The following PTPRO variants were observed in gnomAD, a reference collection of about 807,000 sequenced individuals.
PTPRO encodes the protein receptor-type tyrosine-protein phosphatase O.
A neutral mutation model predicts 145.2 loss-of-function variants in PTPRO; 62 were observed. The observed-to-expected ratio is 0.43, with a 90% CI of 0.35 to 0.53. The LOEUF (loss-of-function observed/expected upper bound fraction) is 0.53, where lower values mean the gene tolerates loss of function less well. Among genes scored for constraint, PTPRO ranks in the 20% least tolerant of loss-of-function variants. The pLI is 0.01. For synonymous variants in PTPRO, 565 were observed against 514.7 expected, an observed-to-expected ratio of 1.10 and a Z score of -1.32; for missense variants, 1,345 against 1,482.7, an observed-to-expected ratio of 0.91 and a Z score of 1.53.
At chr12:15,399,488 T>C (rs569232903) in intron 1 of PTPRO, among the ~76,000 whole-genome samples, 3 of 152,298 alleles carry the variant, frequency 2.0e-5, no homozygotes, top group South Asian at 4.1e-4. Flanking sequence ...CATAATAAAA[T>C]CTGGCTTCTC....
intron 4 of PTPRO, among the ~76,000 whole-genome samples, chr12:15,499,848 G>A (rs1004793868): frequency 6.6e-6 from 1 of 151,974 alleles, no homozygotes; most frequent in South Asian, 2.1e-4. Flanking sequence ...ATTACCAAAG[G>A]TTATAATTAA....
At chr12:15,420,143 A>T in intron 1 of PTPRO, among the ~76,000 whole-genome samples, 1 of 89,436 alleles carries the variant, frequency 1.1e-5, no homozygotes, top group African/African-American at 4.6e-5. Flanking sequence ...CGAGACTCCG[A>T]CTCAGAAAAA....
intron 14 of PTPRO, among the ~76,000 whole-genome samples, chr12:15,551,310 T>C (rs543138256): frequency 5.9e-5 from 9 of 152,206 alleles, no homozygotes; most frequent in Non-Finnish European, 1.2e-4. Flanking sequence ...ATATCCTGAA[T>C]GTTGTAGGCC....
intron 1 of PTPRO, among the ~76,000 whole-genome samples, chr12:15,394,523 G>A (rs368056590): frequency 1.4e-4 from 22 of 152,148 alleles, no homozygotes; most frequent in African/African-American, 3.4e-4. Context: ...CATATGCCCC[G>A]ATCTATTGGT....
chr12:15,597,790 C>A lies in PTPRO; in HGVS notation c.*1717C>A, dbSNP rs998070740. Among the ~76,000 whole-genome samples the A allele has an allele frequency of 4.6e-5, 7 of 152,188 alleles. No individual in the cohort carries two copies. Among genetic ancestry groups the A allele is most frequent in the Non-Finnish European group, 7.3e-5 (5 of 68,038 alleles). On this transcript the variant is annotated 3_prime_UTR_variant, in exon 27 of 27. Coordinates refer to ENST00000281171, the MANE Select transcript of PTPRO (RefSeq NM_030667.3). ...ACCACCTCCTCCTCTTCTTCTCACC[C>A]CCGACTCCTTTATTTCCCTTTTTGG... is the stretch of plus-strand genomic sequence containing the variant.
chr12:15,401,547 A>G (rs1939492770), intron 1 of PTPRO, among the ~76,000 whole-genome samples: 1 of 152,252 alleles, frequency 6.6e-6, no homozygotes, highest in Non-Finnish European at 1.5e-5. Context: ...TTCAGCTTAC[A>G]AAGTCTACTG....
At chr12:15,372,453 C>G (rs2136261171) in intron 1 of PTPRO, among the ~76,000 whole-genome samples, 1 of 152,268 alleles carries the variant, frequency 6.6e-6, no homozygotes. Flanking sequence ...AACCCAGTCC[C>G]TCTTGTTTGC....
chr12:15,355,614 CTCA>C (rs1366049966), intron 1 of PTPRO, among the ~76,000 whole-genome samples: 1 of 152,112 alleles, frequency 6.6e-6, no homozygotes, highest in Non-Finnish European at 1.5e-5. Flanking sequence ...TTTCTTTCTC[CTCA>C]TCTGAAATGA....
At chr12:15,402,480 C>T (rs1259187366) in intron 1 of PTPRO, among the ~76,000 whole-genome samples, 1 of 152,038 alleles carries the variant, frequency 6.6e-6, no homozygotes, top group Admixed American at 6.5e-5. Flanking sequence ...GAATCCTCAA[C>T]TACAAAATTC....
intron 2 of PTPRO, among the ~76,000 whole-genome samples, chr12:15,486,000 T>C (rs979704586): frequency 1.3e-5 from 2 of 152,174 alleles, no homozygotes; most frequent in Non-Finnish European, 2.9e-5. Context: ...ATGGTCTTTC[T>C]TGCTGTGTAT....
At chr12:15,434,546 A>G (rs945390743) in intron 1 of PTPRO, among the ~76,000 whole-genome samples, 1 of 152,228 alleles carries the variant, frequency 6.6e-6, no homozygotes, top group Admixed American at 6.5e-5. Flanking sequence ...TTCACAGATG[A>G]CATCAAAAGT....
intron 6 of PTPRO, among the ~76,000 whole-genome samples, chr12:15,505,901 A>G (rs1275693443): frequency 2.6e-5 from 4 of 152,202 alleles, no homozygotes; most frequent in Non-Finnish European, 4.4e-5. Flanking sequence ...CAGAGATGAG[A>G]ATTCAGGTAG....
At chr12:15,326,015 T>C (rs1442928870) in intron 1 of PTPRO, among the ~76,000 whole-genome samples, 1 of 152,170 alleles carries the variant, frequency 6.6e-6, no homozygotes, top group Non-Finnish European at 1.5e-5. Flanking sequence ...GGTTTATATT[T>C]AATTCTATAA....
At chr12:15,582,023 ATTG>A (rs1280205109) in intron 23 of PTPRO, among the ~76,000 whole-genome samples, 3 of 152,238 alleles carry the variant, frequency 2.0e-5, no homozygotes, top group Non-Finnish European at 4.4e-5. Flanking sequence ...AGTGATAAGC[ATTG>A]TTTCTATAGA....
chr12:15,384,589 C>A (rs1565599328), intron 1 of PTPRO, among the ~76,000 whole-genome samples: 1 of 152,256 alleles, frequency 6.6e-6, no homozygotes, highest in East Asian at 1.9e-4. Context: ...AAATTAGGAA[C>A]CCTCCACTTT....
chr12:15,545,990 G>C (rs1943278556), intron 12 of PTPRO, among the ~76,000 whole-genome samples: 1 of 150,106 alleles, frequency 6.7e-6, no homozygotes, highest in African/African-American at 2.5e-5. Flanking sequence ...ACTCCAGCCT[G>C]GGTGACAGAG....
rs1481220224 is a variant in PTPRO at position 15,440,128 on chromosome 12, T to G, written c.76-43846T>G. 9.3e-6 allele frequency: 6 copies of G among 646,052 alleles called. No homozygotes were observed. The East Asian group carries it at 1.7e-4, about 19-fold the overall frequency. The allele number at this position is 646,052 out of a possible 1,614,324, so 40.0% of individuals were successfully genotyped here. Reference sequence around the variant, plus strand: ...ACCTCATCCCTGAGTCCAGGAACATTGGCATCATCTCAGCCCCTGTGCCCA... The same window carrying G: ...ACCTCATCCCTGAGTCCAGGAACATGGGCATCATCTCAGCCCCTGTGCCCA... On this transcript the variant is annotated intron_variant, in intron 1 of 26. Coordinates refer to ENST00000281171, the MANE Select transcript of PTPRO (RefSeq NM_030667.3).
intron 1 of PTPRO, among the ~76,000 whole-genome samples, chr12:15,354,732 T>C (rs966431962): frequency 6.6e-6 from 1 of 152,156 alleles, no homozygotes; most frequent in Non-Finnish European, 1.5e-5. Flanking sequence ...CGTATATACA[T>C]GGTCTTTCTG....
At chr12:15,455,376 C>T (rs1239139773) in intron 1 of PTPRO, among the ~76,000 whole-genome samples, 1 of 151,366 alleles carries the variant, frequency 6.6e-6, no homozygotes, top group Non-Finnish European at 1.5e-5. Flanking sequence ...AGTTTTTTCT[C>T]AATGGTATAA....
Sources: gnomAD v4.1 joint callset for allele counts (sites outside exome capture counted in the v4.1 genomes callset) on GRCh38, gnomAD v4.1.1 for gene constraint, MANE v1.5 for transcripts, NCBI Gene and HGNC (gene_info 2026-07-23, HGNC 2026-07-21) for gene names.